ITGB6: variants seen among roughly 807,000 people sequenced by gnomAD.
The protein encoded by ITGB6 is integrin beta-6.
A neutral mutation model predicts 84.5 loss-of-function variants in ITGB6; 80 were observed. That is an observed-to-expected ratio of 0.95 (90% CI 0.79 to 1.14). ITGB6 has a LOEUF of 1.14. Among genes scored for constraint, ITGB6 ranks in the 50% most tolerant of loss-of-function variants. ITGB6 has a pLI of 0.00. For missense variants in ITGB6, 1,006 were observed against 968.0 expected (o/e 1.04, Z -0.52); for synonymous variants, 383 against 354.9 (o/e 1.08, Z -0.89).
chr2:160,190,240 A>C (rs905509627), intron 4 of ITGB6, among the ~76,000 whole-genome samples: 2 of 151,480 alleles, frequency 1.3e-5, no homozygotes, highest in African/African-American at 4.9e-5. Flanking sequence ...GCATTAGGAG[A>C]TATACCTAAT....
In ITGB6 at chr2:160,099,856, T is replaced by A. The variant is rs561664007; in HGVS notation, c.*1880A>T. The A allele has an allele frequency of 6.6e-6, 1 of 152,300 alleles. No individual in the cohort carries two copies. Among genetic ancestry groups the A allele is most frequent in the East Asian group, 1.9e-4 (1 of 5,188 alleles). The allele number at this position is 152,300 out of a possible 1,614,324, so 9.4% of individuals were successfully genotyped here. On this transcript the variant is annotated 3_prime_UTR_variant, in exon 15 of 15. Coordinates refer to ENST00000283249, the MANE Select transcript of ITGB6 (RefSeq NM_000888.5). Reference sequence around the variant, plus strand: ...TTCAGAGAAAGAGCAGATTCTTCTCTACCTTCCCTAAAACACACACAAAGG... The same window carrying A: ...TTCAGAGAAAGAGCAGATTCTTCTCAACCTTCCCTAAAACACACACAAAGG...
chr2:160,196,697 G>C (rs889189616), intron 2 of ITGB6, among the ~76,000 whole-genome samples: 7 of 150,508 alleles, frequency 4.7e-5, no homozygotes, highest in Admixed American at 3.3e-4. Flanking sequence ...GTGTGTGTCT[G>C]TGTGTGTGTG....
intron 3 of ITGB6, 124 bp downstream of exon 3, chr2:160,196,092 A>T: frequency 1.2e-6 from 1 of 834,306 alleles, no homozygotes; most frequent in Non-Finnish European, 1.9e-6. Flanking sequence ...CTATTTCCTT[A>T]AGAATGGGAA....
intron 7 of ITGB6, among the ~76,000 whole-genome samples, chr2:160,150,990 C>T (rs1388615550): frequency 1.3e-5 from 2 of 151,936 alleles, no homozygotes; most frequent in African/African-American, 2.4e-5. Flanking sequence ...ACTTAGACAC[C>T]CATATAATAA....
chr2:160,193,244 T>A (rs1235956689), intron 4 of ITGB6, among the ~76,000 whole-genome samples: 2 of 152,010 alleles, frequency 1.3e-5, no homozygotes, highest in Non-Finnish European at 2.9e-5. Flanking sequence ...TGTCCACCAA[T>A]AAAAGAGTAA....
rs573875888 is a variant in ITGB6 at position 160,137,918 on chromosome 2, C to T, written c.1243-67G>A. On this transcript the variant is annotated intron_variant, in intron 9 of 14. Coordinates refer to ENST00000283249, the MANE Select transcript of ITGB6 (RefSeq NM_000888.5). The stretch of plus-strand genomic sequence containing the variant: ...ATGCACGAGGTGAAACAAGGCTTCA[C>T]GGAAATCAGCTTTGCCAAAAGCATT... 1,009 of 1,556,068 alleles carry T rather than the reference C, an allele frequency of 6.5e-4. 6 individuals carry two copies. The South Asian group carries it at 0.011, about 17-fold the overall frequency.
At chr2:160,142,437 C>T (rs557974337) in intron 7 of ITGB6, among the ~76,000 whole-genome samples, 71 of 152,224 alleles carry the variant, frequency 4.7e-4, no homozygotes, top group Non-Finnish European at 7.6e-4. Context: ...CCAGGAACTT[C>T]TCTTTTTGTA....
At chr2:160,122,547 A>C (rs1683085196) in intron 12 of ITGB6, among the ~76,000 whole-genome samples, 1 of 152,202 alleles carries the variant, frequency 6.6e-6, no homozygotes, top group Non-Finnish European at 1.5e-5. Context: ...AGGACTTTGC[A>C]CCAGGTACTA....
chr2:160,177,248 A>G (rs1354981723), intron 4 of ITGB6, among the ~76,000 whole-genome samples: 1 of 152,156 alleles, frequency 6.6e-6, no homozygotes, highest in Non-Finnish European at 1.5e-5. Flanking sequence ...ATCCTTTGCT[A>G]CATTTCTTAT....
chr2:160,126,671 T>C (rs1683259083), intron 10 of ITGB6, 70 bp from the exon 11 acceptor site: 1 of 1,417,704 alleles, frequency 7.1e-7, no homozygotes. Flanking sequence ...GTGAGGGGCA[T>C]CTTTTCTCTT....
At chr2:160,187,066 G>A (rs1325179129) in intron 4 of ITGB6, among the ~76,000 whole-genome samples, 8 of 151,980 alleles carry the variant, frequency 5.3e-5, no homozygotes, top group African/African-American at 1.2e-4. Context: ...ATATACCTAC[G>A]TAACAAACCT....
intron 7 of ITGB6, among the ~76,000 whole-genome samples, chr2:160,152,286 G>C (rs1369435096): frequency 6.6e-6 from 1 of 152,136 alleles, no homozygotes; most frequent in East Asian, 1.9e-4. Context: ...ATGCAAGGCT[G>C]GTTCAACATA....
At chr2:160,182,299 A>T (rs1685711551) in intron 4 of ITGB6, among the ~76,000 whole-genome samples, 1 of 152,202 alleles carries the variant, frequency 6.6e-6, no homozygotes, top group South Asian at 2.1e-4. Flanking sequence ...AAGAACATAA[A>T]TGACCTGATG....
chr2:160,132,421 T>A (rs1683506516), intron 10 of ITGB6, among the ~76,000 whole-genome samples: 1 of 152,292 alleles, frequency 6.6e-6, no homozygotes, highest in South Asian at 2.1e-4. Context: ...GGGTATCAAA[T>A]GGTTTTCAGA....
intron 10 of ITGB6, among the ~76,000 whole-genome samples, chr2:160,134,254 C>T (rs1683608265): frequency 6.6e-6 from 1 of 152,142 alleles, no homozygotes; most frequent in African/African-American, 2.4e-5. Flanking sequence ...ATAAAAACTA[C>T]CATCAGAGAA....
intron 1 of ITGB6, 75 bp downstream of exon 1, chr2:160,199,928 A>G: frequency 1.8e-6 from 2 of 1,115,846 alleles, no homozygotes; most frequent in Non-Finnish European, 1.4e-6. Flanking sequence ...ATGACTTCAG[A>G]TCTAGTTTCT....
chr2:160,194,727 A>C (rs566251366), intron 4 of ITGB6, among the ~76,000 whole-genome samples: 1 of 152,252 alleles, frequency 6.6e-6, no homozygotes, highest in South Asian at 2.1e-4. Flanking sequence ...CATTCACTGC[A>C]CAGGTAAGCC....
chr2:160,168,949 C>A (rs931133778), intron 7 of ITGB6, among the ~76,000 whole-genome samples: 1 of 152,178 alleles, frequency 6.6e-6, no homozygotes. Context: ...TTTGTTGATA[C>A]TCTCCTCCAG....
At chr2:160,193,489 G>A (rs773777672) in intron 4 of ITGB6, among the ~76,000 whole-genome samples, 6 of 152,136 alleles carry the variant, frequency 3.9e-5, no homozygotes, top group Non-Finnish European at 8.8e-5. Flanking sequence ...TGACTGTAAC[G>A]TGAAATTTCT....
Sources: gnomAD v4.1 joint callset for allele counts (sites outside exome capture counted in the v4.1 genomes callset) on GRCh38, gnomAD v4.1.1 for gene constraint, MANE v1.5 for transcripts, NCBI Gene and HGNC (gene_info 2026-07-23, HGNC 2026-07-21) for gene names.